The following ANK1 variants were observed in gnomAD, a reference collection of about 807,000 sequenced individuals.
The protein encoded by ANK1 is ankyrin 1.
A neutral mutation model predicts 210.4 loss-of-function variants in ANK1; 51 were observed. The observed-to-expected ratio is 0.24, with a 90% CI of 0.19 to 0.31. ANK1 has a LOEUF of 0.31. Ranked by LOEUF, ANK1 falls within the 10% of genes least tolerant of loss-of-function variation. The probability of loss-of-function intolerance (pLI) is 1.00; values close to 1 mark genes in which losing one functional copy is unlikely to be tolerated. For missense variants in ANK1, 2,051 were observed against 2,504.4 expected (o/e 0.82, Z 3.86); for synonymous variants, 967 against 1,025.9 (o/e 0.94, Z 1.10).
chr8:41,756,148 T>A (rs565360897), intron 2 of ANK1, among the ~76,000 whole-genome samples: 201 of 152,182 alleles, frequency 1.3e-3, no homozygotes, highest in Non-Finnish European at 2.1e-3. Flanking sequence ...TTATTTATTT[T>A]ATTTATTTAT....
chr8:41,667,306 G>A (rs778510057), intron 39 of ANK1, among the ~76,000 whole-genome samples: 118 of 152,338 alleles, frequency 7.7e-4, no homozygotes, highest in Non-Finnish European at 1.3e-3. Flanking sequence ...GGAAAGAAGG[G>A]AGACAAGGAA....
chr8:41,880,687 G>A (rs1172284505), intron 1 of ANK1, among the ~76,000 whole-genome samples: 1 of 152,256 alleles, frequency 6.6e-6, no homozygotes, highest in Non-Finnish European at 1.5e-5. Flanking sequence ...TAGGGCACTG[G>A]GACGAGGAGC....
At chr8:41,734,138 G>A (rs1423600226) in intron 2 of ANK1, 69 bp from the exon 3 acceptor site, 3 of 1,346,524 alleles carry the variant, frequency 2.2e-6, no homozygotes, top group Non-Finnish European at 3.2e-6. Context: ...CCCAGTGGGG[G>A]CCCAGGCCCC....
intron 42 of ANK1, chr8:41,660,957 C>G (rs2150539766): frequency 3.6e-6 from 1 of 278,266 alleles, no homozygotes; most frequent in Middle Eastern, 1.3e-3. Context: ...TTCTAGATCC[C>G]CATTGCTTGG....
At chr8:41,792,059 A>G (rs986815604) in intron 1 of ANK1, among the ~76,000 whole-genome samples, 2 of 152,170 alleles carry the variant, frequency 1.3e-5, no homozygotes, top group African/African-American at 4.8e-5. Flanking sequence ...AGCCGGGCCC[A>G]TTAGCAGCAG....
chr8:41,660,627 G>A, intron 42 of ANK1: 1 of 434,718 alleles, frequency 2.3e-6, no homozygotes. Context: ...GGCACGGCAT[G>A]CCCCTGCTCT....
intron 9 of ANK1, 32 bp from the exon 10 acceptor site, chr8:41,719,890 A>G: frequency 1.2e-6 from 2 of 1,610,850 alleles, no homozygotes; most frequent in Non-Finnish European, 1.7e-6. Flanking sequence ...AGCAATCACA[A>G]AGTCTTCTGG....
chr8:41,836,571 G>GCTTCCAAC (rs563055733), intron 1 of ANK1, among the ~76,000 whole-genome samples: 11 of 152,328 alleles, frequency 7.2e-5, no homozygotes, highest in Non-Finnish European at 1.3e-4. Flanking sequence ...CAGTGCCCTG[G>GCTTCCAAC]CTTCCAACCG....
intron 1 of ANK1, among the ~76,000 whole-genome samples, chr8:41,778,615 G>A (rs1205987780): frequency 6.6e-6 from 1 of 152,170 alleles, no homozygotes; most frequent in Non-Finnish European, 1.5e-5. Flanking sequence ...AAACATGTAT[G>A]TTAGACAACA....
rs571404731 is a variant in ANK1, at chr8:41,791,695, T to A, written c.27+5817A>T. ...ATCCGCCCACCTCGGACTCCCAAAG[T>A]GGGGAGGCACTAACTTTCTGAAGAA... On this transcript the variant is annotated intron_variant, in intron 1 of 42. Transcript: ENST00000289734. Among the ~76,000 whole-genome samples the A allele has an allele frequency of 3.2e-4, 49 of 152,238 alleles. No homozygotes were observed. In the South Asian group the frequency reaches 0.01, roughly 32 times the overall value.
chr8:41,730,327 G>A (rs570808095), intron 3 of ANK1, among the ~76,000 whole-genome samples: 11 of 152,332 alleles, frequency 7.2e-5, no homozygotes, highest in Admixed American at 7.2e-4. Flanking sequence ...GCCTGGGGCT[G>A]GGTGCAGCAG....
chr8:41,803,003 A>T (rs142063800), intron 1 of ANK1, among the ~76,000 whole-genome samples: 1 of 47,752 alleles, frequency 2.1e-5, no homozygotes, highest in Non-Finnish European at 4.8e-5. Flanking sequence ...GAGAGAAAGA[A>T]AGAAAGAAAG....
chr8:41,659,480 G>T (rs750710114), intron 42 of ANK1, among the ~76,000 whole-genome samples: 2 of 152,178 alleles, frequency 1.3e-5, no homozygotes, highest in Non-Finnish European at 2.9e-5. Context: ...GCGAGTGGAC[G>T]AATTCGCAAA....
At chr8:41,664,701 C>A in intron 39 of ANK1, 3 of 1,170,612 alleles carry the variant, frequency 2.6e-6, no homozygotes, top group East Asian at 2.6e-5. Flanking sequence ...TTTCCTCCGG[C>A]GTCTCCCAAC....
At chr8:41,877,687 TGATGCGATA>T (rs1434112896) in intron 1 of ANK1, among the ~76,000 whole-genome samples, 1 of 152,104 alleles carries the variant, frequency 6.6e-6, no homozygotes, top group African/African-American at 2.4e-5. Flanking sequence ...TGAAACAAAA[TGATGCGATA>T]GAGCAGGTGG....
intron 37 of ANK1, among the ~76,000 whole-genome samples, chr8:41,679,524 G>A (rs1280044664): frequency 6.7e-6 from 1 of 149,892 alleles, no homozygotes; most frequent in Non-Finnish European, 1.5e-5. Flanking sequence ...GCTCTGTCTT[G>A]AGAACTCCAG....
chr8:41,691,335 G>A (rs1447929727), intron 31 of ANK1, among the ~76,000 whole-genome samples: 1 of 152,192 alleles, frequency 6.6e-6, no homozygotes, highest in Admixed American at 6.5e-5. Flanking sequence ...TTATGGGTGA[G>A]CTTTCAACTG....
intron 1 of ANK1, among the ~76,000 whole-genome samples, chr8:41,838,683 T>C (rs1170000961): frequency 2.0e-5 from 3 of 151,906 alleles, no homozygotes; most frequent in Non-Finnish European, 1.5e-5. Flanking sequence ...GAGAATCGCT[T>C]GAACCCGGGA....
chr8:41,673,772 T>C (rs1813260657), intron 37 of ANK1, among the ~76,000 whole-genome samples: 1 of 152,240 alleles, frequency 6.6e-6, no homozygotes, highest in South Asian at 2.1e-4. Context: ...AAGAGGACTC[T>C]GATGCCCCTT....
Sources: gnomAD v4.1 joint callset for allele counts (sites outside exome capture counted in the v4.1 genomes callset) on GRCh38, gnomAD v4.1.1 for gene constraint, MANE v1.5 for transcripts, NCBI Gene and HGNC (gene_info 2026-07-23, HGNC 2026-07-21) for gene names.